Variants in RGS6 observed in about 807,000 individuals in gnomAD.
RGS6 encodes the protein regulator of G-protein signaling 6.
A neutral mutation model predicts 78.5 loss-of-function variants in RGS6; 30 were observed. The observed-to-expected ratio is 0.38, with a 90% CI of 0.29 to 0.52. RGS6 has a LOEUF of 0.52. Ranked by LOEUF, RGS6 falls within the 20% of genes least tolerant of loss-of-function variation. The pLI, the probability that RGS6 is intolerant of heterozygous loss-of-function variation, is 0.85. For missense variants in RGS6, 495 were observed against 609.7 expected (o/e 0.81, Z 1.98); for synonymous variants, 206 against 206.0 (o/e 1.00, Z 0.00).
At chr14:72,251,854 C>T (rs987734712) in intron 2 of RGS6, among the ~76,000 whole-genome samples, 1 of 152,022 alleles carries the variant, frequency 6.6e-6, no homozygotes, top group African/African-American at 2.4e-5. Flanking sequence ...ACCCCTTGAA[C>T]CTAAAATAAA....
the RGS6 span, among the ~76,000 whole-genome samples, chr14:71,899,278 G>A: frequency 1.3e-5 from 2 of 152,188 alleles, no homozygotes; most frequent in Admixed American, 6.5e-5. Context: ...TTGCTGTGTA[G>A]CCTTTGCCAC....
intron 2 of RGS6, among the ~76,000 whole-genome samples, chr14:72,287,604 G>T (rs184157253): frequency 5.7e-4 from 87 of 152,218 alleles, no homozygotes; most frequent in African/African-American, 2.1e-3. Flanking sequence ...CTATAGGCAT[G>T]TGCCACCATG....
At chr14:72,303,775 T>C (rs532958061) in intron 2 of RGS6, among the ~76,000 whole-genome samples, 1 of 152,340 alleles carries the variant, frequency 6.6e-6, no homozygotes, top group South Asian at 2.1e-4. Context: ...GATGCAAACA[T>C]ATTAGCATCC....
the RGS6 span, among the ~76,000 whole-genome samples, chr14:71,921,398 T>C: frequency 1.3e-5 from 2 of 152,266 alleles, no homozygotes; most frequent in African/African-American, 4.8e-5. Context: ...GGAATTTGTA[T>C]TTTGAAGAGA....
chr14:72,001,276 T>C (rs924588804), intron 2 of RGS6, among the ~76,000 whole-genome samples: 4 of 152,176 alleles, frequency 2.6e-5, no homozygotes, highest in Non-Finnish European at 5.9e-5. Flanking sequence ...GTTACACATT[T>C]GTGGAATATG....
At chr14:72,211,553 G>C (rs1284427606) in intron 2 of RGS6, among the ~76,000 whole-genome samples, 6 of 152,150 alleles carry the variant, frequency 3.9e-5, no homozygotes, top group Non-Finnish European at 8.8e-5. Context: ...TTAGATGGGA[G>C]ATATTTGAAT....
intron 2 of RGS6, among the ~76,000 whole-genome samples, chr14:72,239,274 T>C (rs1182399583): frequency 6.6e-6 from 1 of 152,216 alleles, no homozygotes; most frequent in Non-Finnish European, 1.5e-5. Context: ...GGAAGTTGTA[T>C]GCATGCCCAT....
At chr14:72,328,474 A>T (rs2074285051) in intron 2 of RGS6, among the ~76,000 whole-genome samples, 1 of 152,196 alleles carries the variant, frequency 6.6e-6, no homozygotes, top group African/African-American at 2.4e-5. Context: ...GGTCTACACA[A>T]ATTAATAGGG....
rs74347100 is a variant in RGS6, at chr14:72,064,684, A to C, written c.84+99809A>C. 2.3e-3 allele frequency among the ~76,000 whole-genome samples: 344 copies of C among 152,350 alleles called. 3 individuals carry two copies. The highest frequency in any genetic ancestry group is 7.9e-3 in the African/African-American group (330 of 41,584). ...ATTTCAGTTGGGCCACCAAGCCTTG[A>C]ATGAGGAGATAAAACTGGAAGATAA... On this transcript the variant is annotated intron_variant, in intron 2 of 17. Coordinates refer to ENST00000553525, the MANE Select transcript of RGS6 (RefSeq NM_001204424.2).
intron 2 of RGS6, among the ~76,000 whole-genome samples, chr14:72,162,857 C>T (rs2096872501): frequency 6.6e-6 from 1 of 151,928 alleles, no homozygotes; most frequent in Non-Finnish European, 1.5e-5. Flanking sequence ...TATGATGGAA[C>T]ACCACACAGC....
intron 3 of RGS6, among the ~76,000 whole-genome samples, chr14:72,396,748 C>T (rs2091379584): frequency 6.6e-6 from 1 of 150,936 alleles, no homozygotes; most frequent in Non-Finnish European, 1.5e-5. Context: ...GATCCAGTTT[C>T]AGCTTTCTAC....
chr14:72,541,121 T>C (rs1364081044), intron 17 of RGS6: 2 of 1,364,676 alleles, frequency 1.5e-6, no homozygotes, highest in Admixed American at 3.8e-5. Context: ...CAGGGTCCCA[T>C]GCAGGGAGCT....
chr14:72,513,089 C>T lies in RGS6; in HGVS notation c.1091+2810C>T, dbSNP rs56247558. 5.6e-3 allele frequency among the ~76,000 whole-genome samples: 850 copies of T among 152,340 alleles called. 4 individuals carry two copies. Among genetic ancestry groups the T allele is most frequent in the Middle Eastern group, 0.01 (3 of 294 alleles). ...GGCATTGGAGCATGGCAGGAAAAAG[C>T]CTGACCAGAACTCACCTGGGTAAAT... On this transcript the variant is annotated intron_variant, in intron 14 of 17. Transcript: ENST00000553525.
the RGS6 span, among the ~76,000 whole-genome samples, chr14:71,875,298 C>A: frequency 1.9e-4 from 29 of 151,990 alleles, no homozygotes; most frequent in East Asian, 2.1e-3. Flanking sequence ...TTGGTAGGCT[C>A]TTAATTATTG....
At chr14:72,502,325 A>G (rs910470403) in intron 13 of RGS6, among the ~76,000 whole-genome samples, 3 of 150,954 alleles carry the variant, frequency 2.0e-5, no homozygotes. Context: ...TCTCCAAATG[A>G]CCCCACCTCC....
chr14:72,611,958 G>A, the RGS6 span, among the ~76,000 whole-genome samples: 1 of 152,132 alleles, frequency 6.6e-6, no homozygotes, highest in Non-Finnish European at 1.5e-5. Context: ...TAATTTCATG[G>A]CTGAAAAGCA....
intron 2 of RGS6, chr14:71,990,690 A>G (rs1036352633): frequency 4.4e-6 from 2 of 455,826 alleles, no homozygotes; most frequent in Non-Finnish European, 8.8e-6. Flanking sequence ...TCTTTTCTGT[A>G]TGCTGTCCAG....
At chr14:72,310,187 G>A (rs115535837) in intron 2 of RGS6, among the ~76,000 whole-genome samples, 1,556 of 152,270 alleles carry the variant, frequency 0.01, 24 homozygotes, top group African/African-American at 0.032. Context: ...TCTAGTCGGG[G>A]TCCAGGACTG....
rs1188588772 is a variant in RGS6 at position 72,243,083 on chromosome 14, C to G, written c.85-109012C>G. Reference sequence around the variant, plus strand: ...GTCAGGCTGGTCTCAAACTTCTGACCTGACGATCCACCCGCCTCGGCCTCC... The same window carrying G: ...GTCAGGCTGGTCTCAAACTTCTGACGTGACGATCCACCCGCCTCGGCCTCC... On this transcript the variant is annotated intron_variant, in intron 2 of 17. Coordinates refer to ENST00000553525, the MANE Select transcript of RGS6 (RefSeq NM_001204424.2). 3.3e-5 allele frequency among the ~76,000 whole-genome samples: 5 copies of G among 152,090 alleles called. No individual in the cohort carries two copies. In the East Asian group the frequency reaches 7.8e-4, roughly 24 times the overall value.
Sources: gnomAD v4.1 joint callset for allele counts (sites outside exome capture counted in the v4.1 genomes callset) on GRCh38, gnomAD v4.1.1 for gene constraint, MANE v1.5 for transcripts, NCBI Gene and HGNC (gene_info 2026-07-23, HGNC 2026-07-21) for gene names.